Variants in PSAT1 observed in about 807,000 individuals in gnomAD.
PSAT1 encodes the protein phosphoserine aminotransferase.
A neutral mutation model predicts 40.3 loss-of-function variants in PSAT1; 41 were observed. The ratio of observed to expected loss-of-function variants is 1.02; its 90% CI spans 0.79 to 1.32. The LOEUF is 1.32. Ranked by LOEUF, PSAT1 falls within the 40% of genes most tolerant of loss-of-function variation. The probability of loss-of-function intolerance (pLI) is 0.00; values close to 1 mark genes in which losing one functional copy is unlikely to be tolerated. For missense variants in PSAT1, 406 were observed against 455.8 expected (o/e 0.89, Z 0.99); for synonymous variants, 147 against 170.5 (o/e 0.86, Z 1.07).
At chr9:78,301,189 A>G (rs1828102327) in intron 2 of PSAT1, among the ~76,000 whole-genome samples, 1 of 152,176 alleles carries the variant, frequency 6.6e-6, no homozygotes, top group Non-Finnish European at 1.5e-5. Context: ...TGCTGGTGAG[A>G]GGTTCTGACA....
chr9:78,313,785 C>T (rs1447358817), intron 6 of PSAT1, among the ~76,000 whole-genome samples: 2 of 152,048 alleles, frequency 1.3e-5, no homozygotes, highest in Non-Finnish European at 2.9e-5. Context: ...GCTAGGACTA[C>T]AGGCAAGTGC....
At chr9:78,322,221 A>G (rs1828438594) in intron 7 of PSAT1, among the ~76,000 whole-genome samples, 1 of 152,002 alleles carries the variant, frequency 6.6e-6, no homozygotes, top group Admixed American at 6.6e-5. Context: ...TTATCACCTT[A>G]TGTGGGTACC....
At chr9:78,318,187 T>TGGGAAAATAC (rs1307796088) in intron 7 of PSAT1, among the ~76,000 whole-genome samples, 1 of 152,236 alleles carries the variant, frequency 6.6e-6, no homozygotes, top group Non-Finnish European at 1.5e-5. Flanking sequence ...TAGCGATCTT[T>TGGGAAAATAC]GGGACAAATA....
intron 2 of PSAT1, 90 bp downstream of exon 2, chr9:78,300,752 G>C: frequency 7.1e-7 from 1 of 1,413,162 alleles, no homozygotes; most frequent in East Asian, 2.6e-5. Context: ...GTCCTGCTCT[G>C]TCACCCAGGC....
In PSAT1 at chr9:78,309,765, G is replaced by A. The variant is rs73651315; in HGVS notation, c.740+1182G>A. Among the ~76,000 whole-genome samples, 593 of 152,302 alleles carry A rather than the reference G, an allele frequency of 3.9e-3. 3 individuals carry two copies. The highest frequency in any genetic ancestry group is 0.013 in the African/African-American group (561 of 41,566). On this transcript the variant is annotated intron_variant, in intron 6 of 8. Transcript: ENST00000376588. ...GCAGCACTTCAGGAAGAGCAGGGTT[G>A]CCCTGCCTCAGGATCCTATAACTCC...
chr9:78,301,805 T>A, intron 2 of PSAT1, 149 bp from the exon 3 acceptor site: 1 of 706,250 alleles, frequency 1.4e-6, no homozygotes, highest in South Asian at 1.5e-5. Flanking sequence ...TATGGTCCCC[T>A]AAACTAAGTG....
At chr9:78,306,566 A>G in intron 5 of PSAT1, 80 bp downstream of exon 5, 7 of 1,571,666 alleles carry the variant, frequency 4.5e-6, no homozygotes, top group Non-Finnish European at 5.3e-6. Context: ...AAGAGCGGGA[A>G]GAACCATGGG....
intron 7 of PSAT1, among the ~76,000 whole-genome samples, chr9:78,323,472 T>G (rs1828457058): frequency 6.6e-6 from 1 of 151,970 alleles, no homozygotes; most frequent in African/African-American, 2.4e-5. Flanking sequence ...GCCAGCTGCT[T>G]GGGAAGCTGA....
intron 4 of PSAT1, 127 bp from the exon 5 acceptor site, chr9:78,306,187 C>T (rs751412829): frequency 3.2e-5 from 32 of 1,005,628 alleles, no homozygotes; most frequent in Middle Eastern, 3.0e-4. Context: ...TTCACTCGTG[C>T]AATGCTTTGG....
At chr9:78,324,492 C>T (rs72745651) in intron 7 of PSAT1, among the ~76,000 whole-genome samples, 1,719 of 152,264 alleles carry the variant, frequency 0.011, 22 homozygotes, top group South Asian at 0.037. Context: ...TCTCCTACCT[C>T]GGCCCTCAAC....
intron 7 of PSAT1, among the ~76,000 whole-genome samples, chr9:78,321,019 G>A (rs1209536569): frequency 2.0e-5 from 3 of 149,600 alleles, no homozygotes; most frequent in East Asian, 2.0e-4. Flanking sequence ...ATCCCCCCCC[G>A]CCACGCCTAG....
At chr9:78,303,656 C>A (rs1270948360) in intron 3 of PSAT1, among the ~76,000 whole-genome samples, 1 of 152,164 alleles carries the variant, frequency 6.6e-6, no homozygotes, top group Non-Finnish European at 1.5e-5. Context: ...GCCAGAGTCT[C>A]CTAAGACCTG....
chr9:78,317,838 C>T (rs1330949264), intron 7 of PSAT1, 34 bp downstream of exon 7: 1 of 1,605,962 alleles, frequency 6.2e-7, no homozygotes, highest in East Asian at 2.2e-5. Flanking sequence ...TATTTTGCCT[C>T]TTGTGAATTT....
chr9:78,325,647 C>G (rs1253187600), intron 7 of PSAT1, among the ~76,000 whole-genome samples: 1 of 152,230 alleles, frequency 6.6e-6, no homozygotes, highest in Non-Finnish European at 1.5e-5. Context: ...TTGGCTGTTA[C>G]AGCACTTCCT....
rs372232840 is a variant in PSAT1, at chr9:78,300,667, G to C, written c.121+5G>C. 7.4e-7 allele frequency: 1 copy of C among 1,344,212 alleles called. No individual in the cohort carries two copies. Among genetic ancestry groups the C allele is most frequent in the Non-Finnish European group, 1.0e-6 (1 of 970,372 alleles). The allele number at this position is 1,344,212 out of a possible 1,614,324, so 83.3% of individuals were successfully genotyped here. ...GAGTTGGCATTAGTGTTCTTGGTAA[G>C]ATTTACTTTTGAATTCTGTGAATGT... On this transcript the variant is annotated splice_donor_5th_base_variant and intron_variant, in intron 2 of 8. Coordinates refer to ENST00000376588, the MANE Select transcript of PSAT1 (RefSeq NM_058179.4).
intron 3 of PSAT1, 93 bp from the exon 4 acceptor site, chr9:78,304,642 C>G (rs1399575620): frequency 6.2e-5 from 75 of 1,202,728 alleles, no homozygotes; most frequent in Non-Finnish European, 8.9e-5. Flanking sequence ...GTAGTAAATC[C>G]ACCCAAGTTA....
intron 6 of PSAT1, among the ~76,000 whole-genome samples, chr9:78,312,621 AG>A (rs1414905380): frequency 1.3e-5 from 2 of 152,186 alleles, no homozygotes; most frequent in African/African-American, 4.8e-5. Context: ...ACTTGAATCC[AG>A]GGGGCAGAAG....
intron 6 of PSAT1, among the ~76,000 whole-genome samples, chr9:78,310,703 C>T (rs1929400): frequency 0.29 from 43,582 of 151,474 alleles, 6,479 homozygotes; most frequent in East Asian, 0.45. Flanking sequence ...CTCCGCCTCC[C>T]GGGTTCAAGC....
intron 1 of PSAT1, among the ~76,000 whole-genome samples, chr9:78,299,514 CT>C (rs57722137): frequency 0.011 from 1,333 of 118,490 alleles, 9 homozygotes; most frequent in Non-Finnish European, 0.016. Flanking sequence ...TAATCTAATT[CT>C]TTTTTTTTTT....
Sources: allele counts gnomAD v4.1 joint callset (sites outside exome capture counted in the v4.1 genomes callset), GRCh38; gene constraint gnomAD v4.1.1; transcripts MANE v1.5; gene names NCBI Gene and HGNC (gene_info 2026-07-23, HGNC 2026-07-21).